INPP4A: variants seen among roughly 807,000 people sequenced by gnomAD.
INPP4A encodes inositol polyphosphate-4-phosphatase type I A, also known as inositol polyphosphate-4-phosphatase, type I, 107kD.
In INPP4A, 33 loss-of-function variants were observed where a neutral mutation model predicts 119.8. That is an observed-to-expected ratio of 0.28 (90% confidence interval 0.21 to 0.37). The LOEUF is 0.37. Ranked by LOEUF, INPP4A falls within the 10% of genes least tolerant of loss-of-function variation. The pLI is 1.00. For missense variants in INPP4A, 956 were observed against 1,289.9 expected (o/e 0.74, Z 3.97); for synonymous variants, 496 against 500.7 (o/e 0.99, Z 0.12).
intron 1 of INPP4A, among the ~76,000 whole-genome samples, chr2:98,491,537 A>T (rs551900861): frequency 6.6e-6 from 1 of 152,370 alleles, no homozygotes; most frequent in African/African-American, 2.4e-5. Context: ...GAGGAAGGTG[A>T]GCCCATCACA....
chr2:98,498,213 T>C lies in INPP4A; in HGVS notation c.-165-20751T>C, dbSNP rs1682420470. Among the ~76,000 whole-genome samples the C allele has an allele frequency of 2.0e-5, 3 of 152,134 alleles. No individual in the cohort carries two copies. In the East Asian group the frequency reaches 5.8e-4, roughly 30 times the overall value. ...ATTGTACTCCCATAATTCCCATGTGTTGTTGGGGGGACCCTGTGGGAGATA... is the reference window on the plus strand; with the variant it reads ...ATTGTACTCCCATAATTCCCATGTGCTGTTGGGGGGACCCTGTGGGAGATA... On this transcript the variant is annotated intron_variant, in intron 1 of 24. Transcript: ENST00000409851.
At chr2:98,556,326 T>G (rs1426801190) in intron 16 of INPP4A, among the ~76,000 whole-genome samples, 1 of 152,166 alleles carries the variant, frequency 6.6e-6, no homozygotes, top group Admixed American at 6.5e-5. Context: ...CCTTGGGACT[T>G]GGTAACACAG....
intron 18 of INPP4A, 84 bp from the exon 19 acceptor site, chr2:98,564,556 G>A (rs1291046274): frequency 1.3e-6 from 2 of 1,524,890 alleles, no homozygotes; most frequent in Non-Finnish European, 9.0e-7. Flanking sequence ...AGAGGAAGGG[G>A]GCGGTGGGGG....
At chr2:98,585,362 A>G (rs1233298977) in intron 24 of INPP4A, among the ~76,000 whole-genome samples, 1 of 152,238 alleles carries the variant, frequency 6.6e-6, no homozygotes, top group Non-Finnish European at 1.5e-5. Flanking sequence ...TTTTCATTTC[A>G]AAAATGGATG....
chr2:98,568,688 T>C lies in INPP4A; in HGVS notation c.2518+20T>C, dbSNP rs1306852281. On this transcript the variant is annotated intron_variant, in intron 22 of 24. Coordinates refer to ENST00000409851, the MANE Select transcript of INPP4A (RefSeq NM_001134225.2). Reference sequence around the variant, plus strand: ...AGGATTGTAAGTATTTCTTCAGTCATGGTAGGTTTCACTTACTCGTCTTTT... The same window carrying C: ...AGGATTGTAAGTATTTCTTCAGTCACGGTAGGTTTCACTTACTCGTCTTTT... 1.5e-5 allele frequency: 20 copies of C among 1,365,100 alleles called. No individual in the cohort carries two copies. The highest frequency in any genetic ancestry group is 2.0e-5 in the Non-Finnish European group (19 of 966,832). 84.6% of individuals were successfully genotyped at this position (1,365,100 alleles called of 1,614,324 possible). A position where few individuals can be genotyped will look rare whatever the true frequency, so the allele number is the denominator to read the frequency against.
chr2:98,527,574 A>G (rs1177022192), intron 4 of INPP4A, among the ~76,000 whole-genome samples: 1 of 152,230 alleles, frequency 6.6e-6, no homozygotes, highest in Non-Finnish European at 1.5e-5. Context: ...AGCTGTGTGC[A>G]TACTCAGGAG....
intron 16 of INPP4A, among the ~76,000 whole-genome samples, chr2:98,559,016 A>G (rs976444895): frequency 6.6e-6 from 1 of 152,244 alleles, no homozygotes; most frequent in African/African-American, 2.4e-5. Context: ...CCGGTGAATC[A>G]GAGCAGTGGG....
chr2:98,559,089 C>T (rs1173478343), intron 16 of INPP4A, among the ~76,000 whole-genome samples: 1 of 152,234 alleles, frequency 6.6e-6, no homozygotes, highest in Non-Finnish European at 1.5e-5. Context: ...CTTCCAGATG[C>T]CGCAAGCCAA....
At chr2:98,505,440 C>G (rs1029978599) in intron 1 of INPP4A, among the ~76,000 whole-genome samples, 2 of 152,168 alleles carry the variant, frequency 1.3e-5, no homozygotes, top group African/African-American at 4.8e-5. Context: ...TGCAGTGCTT[C>G]CTTGTTGAAC....
At chr2:98,551,293 A>G (rs150805372) in intron 13 of INPP4A, among the ~76,000 whole-genome samples, 1 of 152,308 alleles carries the variant, frequency 6.6e-6, no homozygotes, top group Non-Finnish European at 1.5e-5. Context: ...TCTTTTTAAG[A>G]TGAAATGGTC....
chr2:98,465,490 A>G (rs1003742995), intron 1 of INPP4A, among the ~76,000 whole-genome samples: 6 of 152,242 alleles, frequency 3.9e-5, no homozygotes, highest in Non-Finnish European at 7.3e-5. Context: ...TGTATAAGGT[A>G]ACATTAATAG....
intron 21 of INPP4A, among the ~76,000 whole-genome samples, chr2:98,567,851 C>T (rs1302831228): frequency 6.6e-6 from 1 of 152,110 alleles, no homozygotes; most frequent in African/African-American, 2.4e-5. Flanking sequence ...GGCTGGGACC[C>T]GTAGGAGGGA....
At chr2:98,516,039 C>G (rs1222334271) in intron 1 of INPP4A, among the ~76,000 whole-genome samples, 1 of 152,146 alleles carries the variant, frequency 6.6e-6, no homozygotes, top group Non-Finnish European at 1.5e-5. Flanking sequence ...TTCCAGCCCC[C>G]TAGACAGCTC....
At chr2:98,561,902 T>C (rs376318147) in intron 17 of INPP4A, among the ~76,000 whole-genome samples, 31 of 152,240 alleles carry the variant, frequency 2.0e-4, no homozygotes, top group African/African-American at 7.2e-4. Flanking sequence ...CTTCATATAA[T>C]TGGCATACAT....
intron 24 of INPP4A, among the ~76,000 whole-genome samples, chr2:98,583,903 T>C (rs1384209337): frequency 6.6e-6 from 1 of 152,232 alleles, no homozygotes; most frequent in Non-Finnish European, 1.5e-5. Context: ...CATCCTAAAA[T>C]GTAAGACCAT....
At chr2:98,491,735 A>G (rs532299678) in intron 1 of INPP4A, among the ~76,000 whole-genome samples, 123 of 152,168 alleles carry the variant, frequency 8.1e-4, no homozygotes, top group Non-Finnish European at 1.5e-3. Flanking sequence ...GCACACAGTC[A>G]TGGGCAGGGT....
In INPP4A at chr2:98,589,492, A is replaced by C. The variant is rs978829904; in HGVS notation, c.*1884A>C. On this transcript the variant is annotated 3_prime_UTR_variant, in exon 25 of 25. Transcript: ENST00000409851. ...GAGCATTAAATATCTGCACTCATCA[A>C]AGGGAATATAGCAAATGTTGATCAT... 3.3e-5 allele frequency: 6 copies of C among 181,934 alleles called. No homozygotes were observed. Among genetic ancestry groups the C allele is most frequent in the African/African-American group, 1.4e-4 (6 of 42,446 alleles). The allele number at this position is 181,934 out of a possible 1,614,324, so 11.3% of individuals were successfully genotyped here. A position where few individuals can be genotyped will look rare whatever the true frequency, so the allele number is the denominator to read the frequency against.
chr2:98,557,048 A>T (rs187487423), intron 16 of INPP4A, among the ~76,000 whole-genome samples: 1 of 152,220 alleles, frequency 6.6e-6, no homozygotes, highest in African/African-American at 2.4e-5. Flanking sequence ...TTTTCTACAG[A>T]TAATGAAAAG....
In INPP4A at chr2:98,588,047, A is replaced by T; in HGVS notation, c.*439A>T. 1 of 216,406 alleles carries T rather than the reference A, an allele frequency of 4.6e-6. No individual in the cohort carries two copies. Among genetic ancestry groups the T allele is most frequent in the Non-Finnish European group, 9.3e-6 (1 of 107,604 alleles). 13.4% of individuals were successfully genotyped at this position (216,406 alleles called of 1,614,324 possible). On this transcript the variant is annotated 3_prime_UTR_variant, in exon 25 of 25. Transcript: ENST00000409851. ...CTGAATGTAAAACAGTAAATAATAA[A>T]TTAAATAATTGGATCCTAGGCATAC...
Sources: gnomAD v4.1 joint callset for allele counts (sites outside exome capture counted in the v4.1 genomes callset) on GRCh38, gnomAD v4.1.1 for gene constraint, MANE v1.5 for transcripts, NCBI Gene and HGNC (gene_info 2026-07-23, HGNC 2026-07-21) for gene names.